The following BRD2 variants were observed in gnomAD, a reference collection of about 807,000 sequenced individuals.
The protein encoded by BRD2 is bromodomain containing 2, also known as bromodomain-containing protein 2.
Under a neutral mutation model 79.1 loss-of-function variants are expected in BRD2, and 15 were observed. The observed-to-expected ratio is 0.19, with a 90% CI of 0.13 to 0.29. The LOEUF is 0.29. BRD2 is among the 10% of genes least tolerant of loss of function. BRD2 has a pLI of 1.00. For synonymous variants in BRD2, 488 were observed against 358.6 expected (o/e 1.36, Z -4.08); for missense variants, 1,053 against 991.3 (o/e 1.06, Z -0.84).
intron 1 of BRD2, chr6:32,970,973 G>C (rs1561918176): frequency 2.0e-5 from 3 of 151,962 alleles, no homozygotes; most frequent in Admixed American, 2.0e-4. Flanking sequence ...CAGCCGCTCC[G>C]TGGGGAGGAC....
At chr6:32,969,671 T>C (rs550609616) in intron 1 of BRD2, among the ~76,000 whole-genome samples, 2 of 152,348 alleles carry the variant, frequency 1.3e-5, no homozygotes, top group East Asian at 3.9e-4. Context: ...GTAGGGTCTT[T>C]ACTGAGCACG....
intron 7 of BRD2, 125 bp downstream of exon 7, chr6:32,977,061 A>T: frequency 1.5e-6 from 2 of 1,317,976 alleles, no homozygotes; most frequent in South Asian, 3.0e-5. Flanking sequence ...TTATAAAATA[A>T]TAGTGGAACA....
At chr6:32,975,648 G>C (rs955870968) in intron 4 of BRD2, 127 bp downstream of exon 4, 1 of 1,243,176 alleles carries the variant, frequency 8.0e-7, no homozygotes, top group Admixed American at 2.3e-5. Flanking sequence ...AGGGTAGTCG[G>C]AGTCTTAAAA....
In BRD2 at chr6:32,975,281, G is replaced by T. The variant is rs1042877589; in HGVS notation, c.334-103G>T. The T allele has an allele frequency of 6.9e-5, 34 of 492,516 alleles. No homozygotes were observed. The Admixed American group carries it at 1.1e-3, about 16-fold the overall frequency. The allele number at this position is 492,516 out of a possible 1,614,324, so 30.5% of individuals were successfully genotyped here. On this transcript the variant is annotated intron_variant, in intron 3 of 12. Coordinates refer to ENST00000374825, the MANE Select transcript of BRD2 (RefSeq NM_005104.4). ...AAGTAACTGTTCCTTTGATGCATAG[G>T]GGGGGTGTGTGTGTGTGTGTGTGTG...
intron 11 of BRD2, 69 bp downstream of exon 11, chr6:32,980,201 C>T (rs780414242): frequency 3.6e-5 from 57 of 1,574,564 alleles, no homozygotes; most frequent in Non-Finnish European, 4.5e-5. Flanking sequence ...GGTCTGTTTG[C>T]ATTCAGGATT....
chr6:32,977,261 CAT>C lies in BRD2; in HGVS notation c.1201-179_1201-178del, dbSNP rs776345661. On this transcript the variant is annotated intron_variant, in intron 7 of 12. Coordinates refer to ENST00000374825, the MANE Select transcript of BRD2 (RefSeq NM_005104.4). ...CTTAGAAATGATTTCTTTTTCTAGA[CAT>C]AAATATTTCTTCAACCCACCCAAAT... 222 of 1,548,136 alleles carry C rather than the reference CAT, an allele frequency of 1.4e-4. 1 individual carries two copies. Among genetic ancestry groups the C allele is most frequent in the Middle Eastern group, 1.2e-3 (7 of 6,002 alleles).
Position 32,978,281 on chromosome 6 carries a change from A to T in BRD2, c.1734A>T (p.Ala578=), listed in dbSNP as rs1779048619. ...ATGAAGATGACAAGGGGCCTAGGGC[A>T]CCCCGCCCACCTCAACCTAAGAAGT... ...GADEDDKGPR[A]PRPPQPKKSK... The change falls in exon 10 of 13, where the codon GCA becomes GCT. Residue 578 remains alanine, a synonymous_variant. Coordinates refer to ENST00000374825, the MANE Select transcript of BRD2 (RefSeq NM_005104.4). 6.2e-7 allele frequency: 1 copy of T among 1,612,874 alleles called. No individual in the cohort carries two copies. Among genetic ancestry groups the T allele is most frequent in the African/African-American group, 1.3e-5 (1 of 74,894 alleles).
intron 10 of BRD2, chr6:32,978,705 CTAAT>C: frequency 2.4e-6 from 1 of 409,720 alleles, no homozygotes. Context: ...CTATGAGAAT[CTAAT>C]GCTTCTGCTG....
Position 32,972,338 on chromosome 6 carries a change from C to G in BRD2, c.-561C>G, listed in dbSNP as rs1778120897. 2.7e-6 allele frequency: 1 copy of G among 374,128 alleles called. No individual in the cohort carries two copies. Among genetic ancestry groups the G allele is most frequent in the African/African-American group, 2.1e-5 (1 of 47,466 alleles). 23.2% of individuals were successfully genotyped at this position (374,128 alleles called of 1,614,324 possible). ...AAATGGCCTTCGTCCCGGCCTATGACTGGTCCCAGCGGGCAGTACAGACCC... is the reference window on the plus strand; with the variant it reads ...AAATGGCCTTCGTCCCGGCCTATGAGTGGTCCCAGCGGGCAGTACAGACCC... On this transcript the variant is annotated 5_prime_UTR_variant, in exon 2 of 13. Coordinates refer to ENST00000374825, the MANE Select transcript of BRD2 (RefSeq NM_005104.4).
intron 2 of BRD2, 92 bp downstream of exon 2, chr6:32,973,019 C>A: frequency 1.2e-6 from 2 of 1,612,680 alleles, no homozygotes. Flanking sequence ...TGAGCGGCCC[C>A]GGCGCGCTGC....
At position 32,976,418 on chromosome 6, in the gene BRD2, C is replaced by G. The variant is rs35294809; in HGVS notation, c.779C>G (p.Pro260Arg). The G allele has an allele frequency of 3.7e-6, 6 of 1,612,320 alleles. No individual in the cohort carries two copies. The highest frequency in any genetic ancestry group is 3.3e-5 in the Admixed American group (2 of 60,014). Reference protein sequence around the residue: ...LLKSLHSAGPPLLAVTAAPPA... With the variant: ...LLKSLHSAGPRLLAVTAAPPA... Reference sequence around the variant, plus strand: ...AAGTCCTTGCACTCTGCTGGACCCCCGCTCCTTGCTGTTACTGCAGCTCCT... The same window carrying G: ...AAGTCCTTGCACTCTGCTGGACCCCGGCTCCTTGCTGTTACTGCAGCTCCT... Residue 260 changes from proline (P) to arginine (R), a missense_variant, in exon 6 of 13, where the codon CCG becomes CGG. Coordinates refer to ENST00000374825, the MANE Select transcript of BRD2 (RefSeq NM_005104.4).
chr6:32,972,382 T>C lies in BRD2; in HGVS notation c.-517T>C, dbSNP rs905132450. The C allele has an allele frequency of 1.4e-5, 4 of 291,830 alleles. No individual in the cohort carries two copies. Among genetic ancestry groups the C allele is most frequent in the African/African-American group, 9.0e-5 (4 of 44,402 alleles). 18.1% of individuals were successfully genotyped at this position (291,830 alleles called of 1,614,324 possible). A position where few individuals can be genotyped will look rare whatever the true frequency, so the allele number is the denominator to read the frequency against. ...CAGACCCCCTAGAAGCCCCTGGAGC[T>C]CCCCTTTTTCGGGCCCCGCCCAATC... On this transcript the variant is annotated 5_prime_UTR_variant, in exon 2 of 13. Coordinates refer to ENST00000374825, the MANE Select transcript of BRD2 (RefSeq NM_005104.4).
At chr6:32,973,601 GA>G (rs1395532234) in intron 2 of BRD2, among the ~76,000 whole-genome samples, 1 of 152,122 alleles carries the variant, frequency 6.6e-6, no homozygotes, top group Non-Finnish European at 1.5e-5. Flanking sequence ...TAGGTGGTAG[GA>G]AAGACTGATC....
rs754623815 is a variant in BRD2, at chr6:32,978,090, A to C, written c.1579-36A>C. On this transcript the variant is annotated intron_variant, in intron 9 of 12. Transcript: ENST00000374825. ...TTTTTCTTCTTGTTATTTTATCTTT[A>C]TTTACTTTTTCCACTTCATGTTTTT... is the stretch of plus-strand genomic sequence containing the variant. 2.9e-6 allele frequency: 4 copies of C among 1,383,052 alleles called. No individual in the cohort carries two copies. In the Admixed American group the frequency reaches 5.7e-5, roughly 20 times the overall value. The allele number at this position is 1,383,052 out of a possible 1,614,324, so 85.7% of individuals were successfully genotyped here. A position where few individuals can be genotyped will look rare whatever the true frequency, so the allele number is the denominator to read the frequency against.
At chr6:32,973,683 GA>G (rs1358576321) in intron 2 of BRD2, among the ~76,000 whole-genome samples, 1 of 152,100 alleles carries the variant, frequency 6.6e-6, no homozygotes, top group Non-Finnish European at 1.5e-5. Flanking sequence ...GCTACAGGGG[GA>G]ACTGGTAGTG....
In BRD2 at chr6:32,979,872, C is replaced by G; in HGVS notation, c.1886C>G (p.Thr629Arg). Residue 629 changes from threonine (T) to arginine (R), a missense_variant, in exon 11 of 13, where the codon ACA becomes AGA. Thr to Arg is a moderately conservative substitution (Grantham distance 71, BLOSUM62 -1). Transcript: ENST00000374825. ...ATKTAPPALP[T>R]GYDSEEEEES... ...AAGACAGCCCCACCTGCCCTGCCTA[C>G]AGGTTATGATTCAGAGGAGGAGGAA... The G allele has an allele frequency of 6.2e-7, 1 of 1,613,056 alleles. No individual in the cohort carries two copies. The highest frequency in any genetic ancestry group is 1.1e-5 in the South Asian group (1 of 91,082).
intron 3 of BRD2, 38 bp from the exon 4 acceptor site, chr6:32,975,346 A>C: frequency 3.2e-6 from 5 of 1,546,682 alleles, no homozygotes; most frequent in Non-Finnish European, 4.4e-6. Flanking sequence ...ATAAGCATTT[A>C]TTTTTCTGTG....
chr6:32,973,069 T>C, intron 2 of BRD2, 142 bp downstream of exon 2: 1 of 1,590,460 alleles, frequency 6.3e-7, no homozygotes, highest in Non-Finnish European at 8.6e-7. Context: ...GCGGAGGGAA[T>C]TGAGCGACGG....
chr6:32,971,574 G>T, intron 1 of BRD2, 21 bp from the exon 2 acceptor site: 1 of 457,384 alleles, frequency 2.2e-6, no homozygotes, highest in South Asian at 4.5e-5. Flanking sequence ...TTCTAAGATG[G>T]CGTCTTTTTC....
Sources: allele counts gnomAD v4.1 joint callset (sites outside exome capture counted in the v4.1 genomes callset), GRCh38; gene constraint gnomAD v4.1.1; transcripts MANE v1.5; gene names NCBI Gene and HGNC (gene_info 2026-07-23, HGNC 2026-07-21).